GNGT2: variants seen among roughly 807,000 people sequenced by gnomAD.
GNGT2 encodes the protein guanine nucleotide-binding protein G(I)/G(S)/G(O) subunit gamma-T2.
Under a neutral mutation model 3.5 loss-of-function variants are expected in GNGT2, and 4 were observed. That is an observed-to-expected ratio of 1.13 (90% CI 0.56 to 2.59). GNGT2 has a LOEUF of 2.59. GNGT2 is among the 30% of genes most tolerant of loss of function. GNGT2 has a pLI of 0.02. For missense variants in GNGT2, 64 were observed against 81.2 expected, an observed-to-expected ratio of 0.79 and a Z score of 0.82; for synonymous variants, 31 against 29.5, an observed-to-expected ratio of 1.05 and a Z score of -0.17.
Position 49,210,571 on chromosome 17 carries a change from G to T in GNGT2, c.-260C>A. ...GCAGGACTGACTTCCTCTTGTCCCG[G>T]AATGAGCATGCCTGCCCTTTGCAAG... On this transcript the variant is annotated 5_prime_UTR_variant, in exon 1 of 4. Coordinates refer to ENST00000507680, the MANE Select transcript of GNGT2 (RefSeq NM_001198754.2). The surrounding 1 kb of genome is among the most constrained non-coding windows in gnomAD (Gnocchi z 4.2). 1.7e-6 allele frequency: 1 copy of T among 594,648 alleles called. No individual in the cohort carries two copies. Among genetic ancestry groups the T allele is most frequent in the Non-Finnish European group, 3.0e-6 (1 of 336,826 alleles). The allele number at this position is 594,648 out of a possible 1,614,324, so 36.8% of individuals were successfully genotyped here.
intron 2 of GNGT2, 54 bp downstream of exon 2, chr17:49,208,791 C>T (rs1036108701): frequency 6.6e-6 from 1 of 152,092 alleles, no homozygotes; most frequent in African/African-American, 2.4e-5. Flanking sequence ...TGGTGCCTAG[C>T]CCCAGTGATA....
chr17:49,206,932 C>T (rs2043112040), intron 3 of GNGT2, 50 bp from the exon 4 acceptor site: 1 of 1,608,574 alleles, frequency 6.2e-7, no homozygotes, highest in African/African-American at 1.3e-5. Context: ...TCTCTGGGTC[C>T]ATGATTTGGT....
chr17:49,208,488 G>GAC (rs2043126613), intron 2 of GNGT2, among the ~76,000 whole-genome samples: 1 of 151,070 alleles, frequency 6.6e-6, no homozygotes, highest in Non-Finnish European at 1.5e-5. Context: ...GAGAGAGAGA[G>GAC]ACAAGGGGGT....
At position 49,206,836 on chromosome 17, in the gene GNGT2, G is replaced by C; in HGVS notation, c.131C>G (p.Ala44Gly). 6.2e-7 allele frequency: 1 copy of C among 1,613,510 alleles called. No individual in the cohort carries two copies. The highest frequency in any genetic ancestry group is 1.7e-5 in the Admixed American group (1 of 59,928). The change falls in exon 4 of 4, where the codon GCA becomes GGA. Residue 44 changes from alanine (A) to glycine (G), a missense_variant. Coordinates refer to ENST00000507680, the MANE Select transcript of GNGT2 (RefSeq NM_001198754.2). ...KEIKEYVEAQ[A>G]GNDPFLKGIP... ...GCCTTTGAGAAAAGGATCGTTTCCT[G>C]CTTGGGCCTCCACGTACTCCTTGAT... is the stretch of plus-strand genomic sequence containing the variant.
intron 3 of GNGT2, 68 bp from the exon 4 acceptor site, chr17:49,206,950 A>C: frequency 6.4e-7 from 1 of 1,558,360 alleles, no homozygotes; most frequent in South Asian, 1.1e-5. Flanking sequence ...GGTCAGTGCC[A>C]GAAAAACAGG....
At chr17:49,207,738 C>G (rs918636502) in intron 2 of GNGT2, among the ~76,000 whole-genome samples, 1 of 152,104 alleles carries the variant, frequency 6.6e-6, no homozygotes, top group African/African-American at 2.4e-5. Flanking sequence ...ACAGAGGAAA[C>G]AGAGAAGAAA....
At chr17:49,207,982 A>G (rs2043120812) in intron 2 of GNGT2, among the ~76,000 whole-genome samples, 1 of 152,108 alleles carries the variant, frequency 6.6e-6, no homozygotes, top group South Asian at 2.1e-4. Context: ...CCTGGCCAAC[A>G]TGGCGAAACC....
Position 49,206,501 on chromosome 17 carries a change from T to C in GNGT2, c.*256A>G, listed in dbSNP as rs1598231652. Reference sequence around the variant, plus strand: ...CAGGCTTCTCACACCCCACCACCCATGGGGCCAACCGCTCGGCCAGCCACA... The same window carrying C: ...CAGGCTTCTCACACCCCACCACCCACGGGGCCAACCGCTCGGCCAGCCACA... On this transcript the variant is annotated 3_prime_UTR_variant, in exon 4 of 4. Coordinates refer to ENST00000507680, the MANE Select transcript of GNGT2 (RefSeq NM_001198754.2). 4 of 453,666 alleles carry C rather than the reference T, an allele frequency of 8.8e-6. No homozygotes were observed. The South Asian group carries it at 1.2e-4, about 13-fold the overall frequency. The allele number at this position is 453,666 out of a possible 1,614,324, so 28.1% of individuals were successfully genotyped here. A position where few individuals can be genotyped will look rare whatever the true frequency, so the allele number is the denominator to read the frequency against.
In GNGT2 at chr17:49,209,762, C is replaced by T. The variant is rs140377156; in HGVS notation, c.-133+682G>A. Among the ~76,000 whole-genome samples the T allele has an allele frequency of 5.8e-4, 88 of 152,288 alleles. 2 individuals carry two copies. The East Asian group carries it at 0.016, about 27-fold the overall frequency. ...GAGGCCCGCCGTCCATCCTAACTTCCGTGCTCCAGGACCCAGTCCAACTCT... is the reference window on the plus strand; with the variant it reads ...GAGGCCCGCCGTCCATCCTAACTTCTGTGCTCCAGGACCCAGTCCAACTCT... On this transcript the variant is annotated intron_variant, in intron 1 of 3. Transcript: ENST00000507680.
chr17:49,208,386 A>T (rs958231072), intron 2 of GNGT2, among the ~76,000 whole-genome samples: 1 of 150,086 alleles, frequency 6.7e-6, no homozygotes, highest in Non-Finnish European at 1.5e-5. Context: ...ACTTGAACCC[A>T]GAAGACGGAG....
intron 2 of GNGT2, 96 bp from the exon 3 acceptor site, chr17:49,207,540 A>T: frequency 1.4e-6 from 1 of 737,968 alleles, no homozygotes; most frequent in Non-Finnish European, 2.5e-6. Flanking sequence ...CATATCCCTC[A>T]GTTCAGGCCC....
intron 2 of GNGT2, among the ~76,000 whole-genome samples, chr17:49,207,762 C>A (rs2043119544): frequency 6.6e-6 from 1 of 152,196 alleles, no homozygotes; most frequent in Non-Finnish European, 1.5e-5. Flanking sequence ...AAAGGAGTTT[C>A]TTTCAGAGAG....
rs1319358953 is a variant in GNGT2, at chr17:49,206,702, G to T, written c.*55C>A. The T allele has an allele frequency of 6.4e-7, 1 of 1,557,312 alleles. No homozygotes were observed. The highest frequency in any genetic ancestry group is 1.4e-5 in the African/African-American group (1 of 72,370). ...AGTTCACTGGCTCCCTGGGGGTCTA[G>T]GAGACTTGGGCTTGGCTGAAGAGGG... is the stretch of plus-strand genomic sequence containing the variant. On this transcript the variant is annotated 3_prime_UTR_variant, in exon 4 of 4. Coordinates refer to ENST00000507680, the MANE Select transcript of GNGT2 (RefSeq NM_001198754.2).
At chr17:49,207,556 C>G in intron 2 of GNGT2, 112 bp from the exon 3 acceptor site, 2 of 694,404 alleles carry the variant, frequency 2.9e-6, no homozygotes, top group Admixed American at 2.1e-5. Flanking sequence ...GGCCCCTCAT[C>G]ATTCAACAGA....
At chr17:49,208,559 C>T (rs945702777) in intron 2 of GNGT2, among the ~76,000 whole-genome samples, 1 of 151,790 alleles carries the variant, frequency 6.6e-6, no homozygotes, top group Non-Finnish European at 1.5e-5. Context: ...TCAGTGTGGC[C>T]TTAGGGAAGT....
chr17:49,207,312 G>GA lies in GNGT2; in HGVS notation c.84+26dup, dbSNP rs3830594. 1,168 of 1,525,470 alleles carry GA rather than the reference G, an allele frequency of 7.7e-4. 21 individuals carry two copies. The East Asian group carries it at 0.026, about 34-fold the overall frequency. The allele number at this position is 1,525,470 out of a possible 1,614,324, so 94.5% of individuals were successfully genotyped here. On this transcript the variant is annotated intron_variant, in intron 3 of 3. Coordinates refer to ENST00000507680, the MANE Select transcript of GNGT2 (RefSeq NM_001198754.2). ...GGGCTCATCAGGAACAGGAAGGGAA[G>GA]AGCAGGGACGGGGCGAGGAGGCTCA... is the stretch of plus-strand genomic sequence containing the variant.
In GNGT2 at chr17:49,210,165, G is replaced by A. The variant is rs1221831132; in HGVS notation, c.-133+279C>T. 5.2e-5 allele frequency: 8 copies of A among 152,472 alleles called. No individual in the cohort carries two copies. In the East Asian group the frequency reaches 1.2e-3, roughly 22 times the overall value. The allele number at this position is 152,472 out of a possible 1,614,324, so 9.4% of individuals were successfully genotyped here. ...CCCTGACCCCTCTTGCTGCCGCATC[G>A]GCTGTTTTCTATTTTTGCTGTGCTG... On this transcript the variant is annotated intron_variant, in intron 1 of 3. Coordinates refer to ENST00000507680, the MANE Select transcript of GNGT2 (RefSeq NM_001198754.2). This position sits in a 1 kb window ranked among gnomAD's most constrained non-coding sequence, Gnocchi z 4.2.
chr17:49,207,397 T>C lies in GNGT2; in HGVS notation c.26A>G (p.Asp9Gly). 6.2e-7 allele frequency: 1 copy of C among 1,613,550 alleles called. No individual in the cohort carries two copies. Among genetic ancestry groups the C allele is most frequent in the Non-Finnish European group, 8.5e-7 (1 of 1,179,458 alleles). ...CTGCTCCACCTCCATCTTCAACAGGTCCTTCTCGCTGAGATCCTGGGCCAT... is the reference window on the plus strand; with the variant it reads ...CTGCTCCACCTCCATCTTCAACAGGCCCTTCTCGCTGAGATCCTGGGCCAT... Reference protein sequence around the residue: MAQDLSEKDLLKMEVEQLK... With the variant: MAQDLSEKGLLKMEVEQLK... The change falls in exon 3 of 4, where the codon GAC becomes GGC. Residue 9 changes from aspartate (D) to glycine (G), a missense_variant. Physicochemically the swap from Asp to Gly is moderately conservative, Grantham distance 94 (BLOSUM62 -1). Transcript: ENST00000507680.
chr17:49,210,336 C>T lies in GNGT2; in HGVS notation c.-133+108G>A, dbSNP rs1299450633. 1 of 165,408 alleles carries T rather than the reference C, an allele frequency of 6.0e-6. No homozygotes were observed. Among genetic ancestry groups the T allele is most frequent in the Non-Finnish European group, 1.3e-5 (1 of 76,212 alleles). 10.2% of individuals were successfully genotyped at this position (165,408 alleles called of 1,614,324 possible). ...CGCCTTCCATGAGTGGAAAATCCAC[C>T]TCCGCCCCCTATAGCAGGCCAGCCC... is the stretch of plus-strand genomic sequence containing the variant. On this transcript the variant is annotated intron_variant, in intron 1 of 3. Transcript: ENST00000507680. The surrounding 1 kb of genome is among the most constrained non-coding windows in gnomAD (Gnocchi z 4.2).
Sources: allele counts gnomAD v4.1 joint callset (sites outside exome capture counted in the v4.1 genomes callset), GRCh38; gene constraint gnomAD v4.1.1; non-coding constraint Gnocchi (gnomAD v3.1); transcripts MANE v1.5; gene names NCBI Gene and HGNC (gene_info 2026-07-23, HGNC 2026-07-21).